The following PCDH7 variants were observed in gnomAD, a reference collection of about 807,000 sequenced individuals.
PCDH7 encodes the protein protocadherin-7.
PCDH7 carries 17 observed loss-of-function variants against 58.9 expected under a neutral mutation model. The observed-to-expected ratio is 0.29, with a 90% CI of 0.20 to 0.43. PCDH7 has a LOEUF of 0.43. Among genes scored for constraint, PCDH7 ranks in the 20% least tolerant of loss-of-function variants. The probability of loss-of-function intolerance (pLI) is 1.00; values close to 1 mark genes in which losing one functional copy is unlikely to be tolerated. For missense variants in PCDH7, 1,274 were observed against 1,441.0 expected, an observed-to-expected ratio of 0.88 and a Z score of 1.88; for synonymous variants, 664 against 616.4, an observed-to-expected ratio of 1.08 and a Z score of -1.14.
At chr4:30,825,222 A>G (rs1265241217) in intron 1 of PCDH7, among the ~76,000 whole-genome samples, 3 of 152,136 alleles carry the variant, frequency 2.0e-5, no homozygotes, top group Admixed American at 6.6e-5. Context: ...TGCCTCAGCT[A>G]TGGACAAGGC....
intron 1 of PCDH7, among the ~76,000 whole-genome samples, chr4:30,865,185 T>TA (rs1307161931): frequency 3.9e-5 from 6 of 151,908 alleles, no homozygotes; most frequent in Non-Finnish European, 1.5e-5. Context: ...AAAAGCCATA[T>TA]AAAAAAAGGC....
At chr4:30,841,782 T>G (rs1006685791) in intron 1 of PCDH7, among the ~76,000 whole-genome samples, 2 of 152,106 alleles carry the variant, frequency 1.3e-5, no homozygotes, top group African/African-American at 4.8e-5. Context: ...TGTCTCCTTA[T>G]AATTTCCAGT....
intron 1 of PCDH7, among the ~76,000 whole-genome samples, chr4:30,849,949 T>G (rs1732496608): frequency 6.6e-6 from 1 of 152,134 alleles, no homozygotes; most frequent in Admixed American, 6.6e-5. Context: ...CCAATCTTTG[T>G]TTATAACATT....
At chr4:30,893,200 C>G (rs1362978349) in intron 1 of PCDH7, among the ~76,000 whole-genome samples, 1 of 152,024 alleles carries the variant, frequency 6.6e-6, no homozygotes, top group Admixed American at 6.6e-5. Flanking sequence ...TAGCTATTTT[C>G]CATGGCAAAA....
At chr4:31,082,550 A>G (rs1234861088) in intron 3 of PCDH7, among the ~76,000 whole-genome samples, 1 of 152,218 alleles carries the variant, frequency 6.6e-6, no homozygotes, top group Non-Finnish European at 1.5e-5. Context: ...AGAGCCTTTA[A>G]AAAGCAAGAA....
intron 3 of PCDH7, among the ~76,000 whole-genome samples, chr4:31,077,278 G>T (rs1759080979): frequency 6.6e-6 from 1 of 151,732 alleles, no homozygotes; most frequent in Non-Finnish European, 1.5e-5. Flanking sequence ...GGCGTGTGGT[G>T]CATGCCTGTA....
intron 3 of PCDH7, among the ~76,000 whole-genome samples, chr4:31,006,934 T>C (rs1282083223): frequency 1.0e-5 from 1 of 99,748 alleles, no homozygotes; most frequent in Non-Finnish European, 1.7e-5. Context: ...CAAGACCTTA[T>C]AGAATGGCAG....
At chr4:30,982,544 G>A (rs959573301) in intron 3 of PCDH7, among the ~76,000 whole-genome samples, 1 of 152,188 alleles carries the variant, frequency 6.6e-6, no homozygotes, top group Non-Finnish European at 1.5e-5. Flanking sequence ...CTTCCGAACA[G>A]GGCTGGCATC....
chr4:31,092,956 T>A lies in PCDH7; in HGVS notation c.*8-49517T>A, dbSNP rs530201042. Among the ~76,000 whole-genome samples, 11 of 152,244 alleles carry A rather than the reference T, an allele frequency of 7.2e-5. No homozygotes were observed. In the East Asian group the frequency reaches 2.1e-3, roughly 29 times the overall value. On this transcript the variant is annotated intron_variant, in intron 3 of 3. Coordinates refer to the PCDH7 transcript ENST00000509759. ...TTATATAGACGAAAATATTGCATTC[T>A]GTCATTTATCTTGTATCTGTGAATG...
intron 3 of PCDH7, among the ~76,000 whole-genome samples, chr4:31,142,140 T>C (rs1720336849): frequency 2.0e-5 from 3 of 152,168 alleles, no homozygotes; most frequent in Non-Finnish European, 4.4e-5. Flanking sequence ...TTAGCACCCA[T>C]ACAAATTTAC....
chr4:30,792,483 T>A (rs956557972), intron 1 of PCDH7, among the ~76,000 whole-genome samples: 1 of 152,228 alleles, frequency 6.6e-6, no homozygotes, highest in Non-Finnish European at 1.5e-5. Flanking sequence ...ACTCTATTTT[T>A]ATGGATGTTA....
chr4:31,006,529 A>T (rs571413260), intron 3 of PCDH7, among the ~76,000 whole-genome samples: 1 of 152,152 alleles, frequency 6.6e-6, no homozygotes, highest in Non-Finnish European at 1.5e-5. Context: ...TTTAGATGAG[A>T]TCCAAATGGA....
chr4:31,006,757 T>G (rs1752795413), intron 3 of PCDH7, among the ~76,000 whole-genome samples: 1 of 151,856 alleles, frequency 6.6e-6, no homozygotes, highest in Admixed American at 6.6e-5. Flanking sequence ...CCAGGTGTAG[T>G]GGTGCATGCC....
chr4:30,798,431 C>T (rs1725075933), intron 1 of PCDH7, among the ~76,000 whole-genome samples: 1 of 152,208 alleles, frequency 6.6e-6, no homozygotes, highest in East Asian at 1.9e-4. Context: ...GTAGTAGAAA[C>T]AATCGCATTT....
chr4:30,874,840 G>A (rs1429292668), intron 1 of PCDH7, among the ~76,000 whole-genome samples: 14 of 151,726 alleles, frequency 9.2e-5, no homozygotes, highest in Admixed American at 9.2e-4. Context: ...TCTCATTAAA[G>A]TATTTAATAT....
At chr4:31,036,809 A>G (rs547671562) in intron 3 of PCDH7, among the ~76,000 whole-genome samples, 2 of 152,152 alleles carry the variant, frequency 1.3e-5, no homozygotes, top group Admixed American at 1.3e-4. Context: ...CTAAAGAAAG[A>G]GTTTTAATGG....
intron 3 of PCDH7, among the ~76,000 whole-genome samples, chr4:31,014,995 A>G (rs981834005): frequency 2.0e-5 from 3 of 152,216 alleles, no homozygotes; most frequent in African/African-American, 7.2e-5. Context: ...ATCAATATTT[A>G]TTAGAAGAAT....
chr4:30,859,675 A>G (rs1488571293), intron 1 of PCDH7, among the ~76,000 whole-genome samples: 1 of 152,026 alleles, frequency 6.6e-6, no homozygotes, highest in Admixed American at 6.6e-5. Flanking sequence ...CCTGACCTCA[A>G]GTGATCCACC....
chr4:30,985,438 G>A (rs1026247476), intron 3 of PCDH7, among the ~76,000 whole-genome samples: 1 of 152,182 alleles, frequency 6.6e-6, no homozygotes, highest in East Asian at 1.9e-4. Flanking sequence ...CTTGAGTTGA[G>A]ATACTTTAAC....
Sources: gnomAD v4.1 joint callset for allele counts (sites outside exome capture counted in the v4.1 genomes callset) on GRCh38, gnomAD v4.1.1 for gene constraint, MANE v1.5 for transcripts, NCBI Gene and HGNC (gene_info 2026-07-23, HGNC 2026-07-21) for gene names.